The following EHD4 variants were observed in gnomAD, a reference collection of about 807,000 sequenced individuals.
EHD4 encodes the protein EH domain containing 4.
Under a neutral mutation model 51.0 loss-of-function variants are expected in EHD4, and 37 were observed. That is an observed-to-expected ratio of 0.73 (90% confidence interval 0.56 to 0.95). EHD4 has a LOEUF of 0.95. Among genes scored for constraint, EHD4 ranks in the 40% least tolerant of loss-of-function variants. The pLI, the probability that EHD4 is intolerant of heterozygous loss-of-function variation, is 0.00. For missense variants in EHD4, 632 were observed against 733.1 expected (o/e 0.86, Z 1.59); for synonymous variants, 297 against 317.3 (o/e 0.94, Z 0.68).
At chr15:41,928,881 C>G (rs767850422) in intron 3 of EHD4, 2 of 152,322 alleles carry the variant, frequency 1.3e-5, no homozygotes, top group Non-Finnish European at 2.9e-5. Context: ...TCCCTGCCCC[C>G]TTTTCCCCAG....
At chr15:41,914,506 C>A (rs984863014) in intron 4 of EHD4, among the ~76,000 whole-genome samples, 4 of 152,154 alleles carry the variant, frequency 2.6e-5, no homozygotes, top group African/African-American at 9.7e-5. Context: ...AAAACTGGCA[C>A]CAATGGCACG....
intron 4 of EHD4, among the ~76,000 whole-genome samples, chr15:41,912,969 GA>G (rs1174299836): frequency 6.6e-6 from 1 of 152,136 alleles, no homozygotes; most frequent in Non-Finnish European, 1.5e-5. Context: ...TCAAAATCTG[GA>G]ATTCAAAATG....
At chr15:41,961,309 G>A (rs1418658181) in intron 1 of EHD4, among the ~76,000 whole-genome samples, 1 of 152,214 alleles carries the variant, frequency 6.6e-6, no homozygotes, top group Non-Finnish European at 1.5e-5. Context: ...GAAAGAAAGG[G>A]AGGGGAATTT....
intron 4 of EHD4, among the ~76,000 whole-genome samples, chr15:41,914,571 G>A (rs2067571045): frequency 6.6e-6 from 1 of 152,080 alleles, no homozygotes; most frequent in Non-Finnish European, 1.5e-5. Flanking sequence ...CTTGTCTGAG[G>A]TCAACCTTCA....
In EHD4 at chr15:41,972,510, C is replaced by T; in HGVS notation, c.-16G>A. The stretch of plus-strand genomic sequence containing the variant: ...AGCTGAACATCCTGCCGCCAGTCCA[C>T]GCTCGGATGGGACCCTGCTCCGGGT... On this transcript the variant is annotated 5_prime_UTR_variant, in exon 1 of 6. It adds an upstream start codon to the 5' untranslated region. Transcript: ENST00000220325. 6.7e-7 allele frequency: 1 copy of T among 1,493,544 alleles called. No individual in the cohort carries two copies. Among genetic ancestry groups the T allele is most frequent in the Non-Finnish European group, 8.9e-7 (1 of 1,124,996 alleles). 92.5% of individuals were successfully genotyped at this position (1,493,544 alleles called of 1,614,324 possible).
rs1266679924 is a variant in EHD4 at position 41,900,886 on chromosome 15, T to C, written c.1385A>G (p.Asn462Ser). The C allele has an allele frequency of 2.5e-6, 4 of 1,614,044 alleles. No homozygotes were observed. Among genetic ancestry groups the C allele is most frequent in the East Asian group, 2.2e-5 (1 of 44,892 alleles). ...DELFYTLSPINGKISGVNAKK... is the reference protein window; with the variant it reads ...DELFYTLSPISGKISGVNAKK... ...GGCGTTGACACCTGATATCTTGCCA[T>C]TGATGGGCGACAGAGTGTAGAAGAG... The change falls in exon 6 of 6, where the codon AAT becomes AGT. Residue 462 changes from asparagine to serine, a missense_variant. Asn to Ser is a conservative substitution (Grantham distance 46). Transcript: ENST00000220325. The surrounding 1 kb of genome is among the most constrained non-coding windows in gnomAD (Gnocchi z 4.8).
Position 41,927,977 on chromosome 15 carries a change from T to A in EHD4, c.512-8355A>T, listed in dbSNP as rs551919338. Among the ~76,000 whole-genome samples, 6 of 152,272 alleles carry A rather than the reference T, an allele frequency of 3.9e-5. No individual in the cohort carries two copies. In the South Asian group the frequency reaches 1.2e-3, roughly 32 times the overall value. ...AGTGGTATGCGTTTCTAAAAAAGGG[T>A]TGTTACTAACTAGGGGAAGTGTAAA... is the stretch of plus-strand genomic sequence containing the variant. On this transcript the variant is annotated intron_variant, in intron 3 of 5. Transcript: ENST00000220325.
chr15:41,910,648 C>T (rs1352059622), intron 4 of EHD4, among the ~76,000 whole-genome samples: 2 of 152,240 alleles, frequency 1.3e-5, no homozygotes, highest in Non-Finnish European at 2.9e-5. Flanking sequence ...TGGCTCACTG[C>T]AACCTCCACC....
intron 3 of EHD4, among the ~76,000 whole-genome samples, chr15:41,932,469 G>A (rs2067705491): frequency 6.6e-6 from 1 of 152,198 alleles, no homozygotes; most frequent in Non-Finnish European, 1.5e-5. Context: ...GTGAAACGCT[G>A]CATACATGGT....
rs1162237151 is a variant in EHD4 at position 41,899,527 on chromosome 15, C to A, written c.*1118G>T. On this transcript the variant is annotated 3_prime_UTR_variant, in exon 6 of 6. Coordinates refer to ENST00000220325, the MANE Select transcript of EHD4 (RefSeq NM_139265.4). ...TAAGGAAAAAAAAAAAACACAAAAC[C>A]CTAGACATAATAAATGCCTGTTTTC... 5 of 151,988 alleles carry A rather than the reference C, an allele frequency of 3.3e-5. No individual in the cohort carries two copies. Among genetic ancestry groups the A allele is most frequent in the Non-Finnish European group, 7.4e-5 (5 of 67,976 alleles). The allele number at this position is 151,988 out of a possible 1,614,324, so 9.4% of individuals were successfully genotyped here. A position where few individuals can be genotyped will look rare whatever the true frequency, so the allele number is the denominator to read the frequency against.
At chr15:41,964,963 G>C (rs1184092672) in intron 1 of EHD4, among the ~76,000 whole-genome samples, 1 of 151,802 alleles carries the variant, frequency 6.6e-6, no homozygotes, top group African/African-American at 2.4e-5. Flanking sequence ...TTTAGAGATG[G>C]GGCTCACCAT....
intron 1 of EHD4, among the ~76,000 whole-genome samples, chr15:41,955,674 C>A (rs576275014): frequency 1.3e-5 from 2 of 152,190 alleles, no homozygotes; most frequent in Non-Finnish European, 2.9e-5. Flanking sequence ...CCCTAATAGC[C>A]TAGAAATGTT....
At chr15:41,937,258 C>T (rs369486624) in intron 3 of EHD4, among the ~76,000 whole-genome samples, 1 of 152,222 alleles carries the variant, frequency 6.6e-6, no homozygotes, top group East Asian at 1.9e-4. Flanking sequence ...ACATGCACAG[C>T]TTCCGTTCCT....
In EHD4 at chr15:41,903,279, A is replaced by AG. The variant is rs2067489495; in HGVS notation, c.1090-2099dup. Among the ~76,000 whole-genome samples the AG allele has an allele frequency of 5.8e-5, 8 of 137,800 alleles. No homozygotes were observed. In the South Asian group the frequency reaches 2.0e-3, roughly 35 times the overall value. The allele number at this position is 137,800 out of a possible 152,430, so 90.4% of individuals were successfully genotyped here. A position where few individuals can be genotyped will look rare whatever the true frequency, so the allele number is the denominator to read the frequency against. ...GACAGAAGCAATGTGACAGGCTGCT[A>AG]GGAAAAAAAAAAAAAAACTTGGTGT... On this transcript the variant is annotated intron_variant, in intron 5 of 5. Transcript: ENST00000220325.
At position 41,900,730 on chromosome 15, in the gene EHD4, T is replaced by C; in HGVS notation, c.1541A>G (p.Lys514Arg). ...FALAKHLIKI[K>R]LDGYELPSSL... ...GCTGGGCAGCTCGTAGCCGTCGAGCTTGATCTTGATGAGGTGCTTGGCCAG... is the reference window on the plus strand; with the variant it reads ...GCTGGGCAGCTCGTAGCCGTCGAGCCTGATCTTGATGAGGTGCTTGGCCAG... Residue 514 changes from lysine to arginine, a missense_variant, in exon 6 of 6, where the codon AAG (lysine) becomes AGG (arginine). Coordinates refer to ENST00000220325, the MANE Select transcript of EHD4 (RefSeq NM_139265.4). The surrounding 1 kb of genome is among the most constrained non-coding windows in gnomAD (Gnocchi z 4.8). The C allele has an allele frequency of 6.2e-7, 1 of 1,612,916 alleles. No individual in the cohort carries two copies. Among genetic ancestry groups the C allele is most frequent in the Non-Finnish European group, 8.5e-7 (1 of 1,179,984 alleles).
intron 5 of EHD4, among the ~76,000 whole-genome samples, chr15:41,906,416 G>C (rs778489096): frequency 2.6e-4 from 39 of 152,296 alleles, no homozygotes; most frequent in East Asian, 1.2e-3. Context: ...TCTTCACTGA[G>C]AGTTGTTTTG....
chr15:41,938,186 G>C (rs1208738304), intron 3 of EHD4, among the ~76,000 whole-genome samples: 1 of 152,166 alleles, frequency 6.6e-6, no homozygotes, highest in Non-Finnish European at 1.5e-5. Flanking sequence ...TGAATTTTCA[G>C]TTTCAAGATG....
At chr15:41,926,879 C>T (rs561654612) in intron 3 of EHD4, among the ~76,000 whole-genome samples, 2 of 152,350 alleles carry the variant, frequency 1.3e-5, no homozygotes, top group South Asian at 2.1e-4. Flanking sequence ...TCTCCAACTA[C>T]AGCCACTCAT....
intron 1 of EHD4, among the ~76,000 whole-genome samples, chr15:41,964,899 G>A (rs1283698938): frequency 1.3e-5 from 2 of 151,780 alleles, no homozygotes; most frequent in Admixed American, 6.6e-5. Context: ...AGCCTCCCAG[G>A]TAACTGGGAC....
Sources: allele counts gnomAD v4.1 joint callset (sites outside exome capture counted in the v4.1 genomes callset), GRCh38; gene constraint gnomAD v4.1.1; non-coding constraint Gnocchi (gnomAD v3.1); transcripts MANE v1.5; gene names NCBI Gene and HGNC (gene_info 2026-07-23, HGNC 2026-07-21).